CNTNAP2: variants seen among roughly 807,000 people sequenced by gnomAD.
The protein encoded by CNTNAP2 is contactin-associated protein-like 2.
A neutral mutation model predicts 155.2 loss-of-function variants in CNTNAP2; 98 were observed. That is an observed-to-expected ratio of 0.63 (90% CI 0.54 to 0.75). The LOEUF is 0.75. CNTNAP2 is among the 30% of genes least tolerant of loss of function. The pLI, the probability that CNTNAP2 is intolerant of heterozygous loss-of-function variation, is 0.00. For synonymous variants in CNTNAP2, 651 were observed against 631.2 expected, an observed-to-expected ratio of 1.03 and a Z score of -0.47; for missense variants, 1,727 against 1,688.1, an observed-to-expected ratio of 1.02 and a Z score of -0.40.
intron 1 of CNTNAP2, among the ~76,000 whole-genome samples, chr7:146,519,764 A>G (rs1797591388): frequency 1.3e-5 from 2 of 151,894 alleles, no homozygotes. Context: ...ATACCTGGAA[A>G]ACTGAGAAGC....
intron 1 of CNTNAP2, among the ~76,000 whole-genome samples, chr7:146,392,161 A>G (rs1456955989): frequency 1.3e-5 from 2 of 152,260 alleles, no homozygotes; most frequent in Middle Eastern, 3.4e-3. Context: ...AGATTGGTGT[A>G]TGCCTTAAGC....
chr7:147,356,679 T>C (rs2204412), intron 9 of CNTNAP2, among the ~76,000 whole-genome samples: 34,579 of 152,098 alleles, frequency 0.23, 4,322 homozygotes, highest in Non-Finnish European at 0.28. Context: ...GACATGTTCA[T>C]AGTAGGCTTA....
chr7:146,969,342 C>G (rs941278754), intron 3 of CNTNAP2, among the ~76,000 whole-genome samples: 68 of 152,006 alleles, frequency 4.5e-4, no homozygotes, highest in African/African-American at 1.6e-3. Context: ...TGGTGCAGAG[C>G]TGAGTTCAAT....
intron 22 of CNTNAP2, among the ~76,000 whole-genome samples, chr7:148,391,733 T>TGA (rs1253750575): frequency 6.6e-6 from 1 of 152,152 alleles, no homozygotes; most frequent in African/African-American, 2.4e-5. Flanking sequence ...TTGCTTGGAA[T>TGA]GAAAAGGATT....
At chr7:147,762,456 C>G (rs1340441235) in intron 13 of CNTNAP2, among the ~76,000 whole-genome samples, 2 of 151,924 alleles carry the variant, frequency 1.3e-5, no homozygotes, top group Non-Finnish European at 2.9e-5. Flanking sequence ...CCTACTGAAT[C>G]TGAGCTGCTG....
At chr7:147,493,958 A>G (rs73162043) in intron 11 of CNTNAP2, among the ~76,000 whole-genome samples, 139 of 152,308 alleles carry the variant, frequency 9.1e-4, no homozygotes, top group Non-Finnish European at 1.7e-3. Context: ...ATGGTTTTCA[A>G]TAGAATATAT....
At chr7:147,104,004 TC>T (rs902083985) in intron 4 of CNTNAP2, among the ~76,000 whole-genome samples, 7 of 152,144 alleles carry the variant, frequency 4.6e-5, no homozygotes, top group Admixed American at 3.9e-4. Flanking sequence ...CTGGATTGAA[TC>T]CTAGAACAGC....
intron 21 of CNTNAP2, among the ~76,000 whole-genome samples, chr7:148,282,187 G>T (rs1339622110): frequency 1.3e-5 from 2 of 152,128 alleles, no homozygotes; most frequent in Non-Finnish European, 2.9e-5. Flanking sequence ...TCACCCAAAT[G>T]TGTCTTTAAC....
At chr7:148,409,263 C>A in intron 22 of CNTNAP2, 128 bp from the exon 23 acceptor site, 1 of 749,698 alleles carries the variant, frequency 1.3e-6, no homozygotes, top group Non-Finnish European at 2.3e-6. Flanking sequence ...AAGACGGGTC[C>A]ATCTGAAATG....
intron 1 of CNTNAP2, among the ~76,000 whole-genome samples, chr7:146,247,069 C>A (rs1160080920): frequency 1.3e-5 from 2 of 152,074 alleles, no homozygotes; most frequent in Non-Finnish European, 2.9e-5. Context: ...ATGTCGGGAG[C>A]AGACTGGGTA....
intron 4 of CNTNAP2, among the ~76,000 whole-genome samples, chr7:147,062,153 A>AAAC (rs1799693767): frequency 7.2e-6 from 1 of 139,494 alleles, no homozygotes; most frequent in Non-Finnish European, 1.6e-5. Context: ...AAAAAAAAAA[A>AAAC]AAAAAAAAAA....
chr7:147,682,999 AG>A (rs2116981961), intron 13 of CNTNAP2, among the ~76,000 whole-genome samples: 1 of 152,032 alleles, frequency 6.6e-6, no homozygotes, highest in East Asian at 1.9e-4. Context: ...GGAATTAGGA[AG>A]GGCTCTAATG....
chr7:146,855,622 G>C (rs1794963516), intron 3 of CNTNAP2, among the ~76,000 whole-genome samples: 1 of 151,746 alleles, frequency 6.6e-6, no homozygotes, highest in African/African-American at 2.4e-5. Flanking sequence ...AAGAAGAAAT[G>C]AGGAAACGTA....
chr7:147,366,781 G>GCACACACACACACA (rs71182194), intron 9 of CNTNAP2, among the ~76,000 whole-genome samples: 4 of 105,960 alleles, frequency 3.8e-5, no homozygotes, highest in African/African-American at 1.1e-4. Context: ...TTTGTTGCAC[G>GCACACACACACACA]CACACACACA....
chr7:147,867,570 T>A (rs544672754), intron 13 of CNTNAP2, among the ~76,000 whole-genome samples: 2 of 152,198 alleles, frequency 1.3e-5, no homozygotes, highest in African/African-American at 4.8e-5. Context: ...TTCTCCCCAT[T>A]ACTTTTAGGT....
chr7:147,872,258 C>T (rs1799339379), intron 13 of CNTNAP2, among the ~76,000 whole-genome samples: 1 of 152,162 alleles, frequency 6.6e-6, no homozygotes, highest in South Asian at 2.1e-4. Context: ...CATATCAGAT[C>T]CAACTTTGTA....
chr7:146,338,436 A>ATTCTTTACACAGGACT (rs1801316353), intron 1 of CNTNAP2, among the ~76,000 whole-genome samples: 1 of 152,176 alleles, frequency 6.6e-6, no homozygotes, highest in African/African-American at 2.4e-5. Context: ...TCTCCGCATC[A>ATTCTTTACACAGGACT]GATATAAAGT....
chr7:146,117,898 C>A (rs1044796401), intron 1 of CNTNAP2, among the ~76,000 whole-genome samples: 21 of 152,116 alleles, frequency 1.4e-4, no homozygotes, highest in African/African-American at 4.6e-4. Flanking sequence ...GGATAATATT[C>A]ATAAGCGCAT....
chr7:146,334,399 C>A (rs1801238488), intron 1 of CNTNAP2, among the ~76,000 whole-genome samples: 1 of 149,058 alleles, frequency 6.7e-6, no homozygotes, highest in South Asian at 2.1e-4. Flanking sequence ...CCACTGCACT[C>A]CAGCCTGGGC....
Sources: gnomAD v4.1 joint callset for allele counts (sites outside exome capture counted in the v4.1 genomes callset) on GRCh38, gnomAD v4.1.1 for gene constraint, MANE v1.5 for transcripts, NCBI Gene and HGNC (gene_info 2026-07-23, HGNC 2026-07-21) for gene names.